AREG: variants seen among roughly 807,000 people sequenced by gnomAD.
AREG encodes amphiregulin B.
A neutral mutation model predicts 28.0 loss-of-function variants in AREG; 16 were observed. The observed-to-expected ratio is 0.57, with a 90% CI of 0.39 to 0.87. The LOEUF (loss-of-function observed/expected upper bound fraction) is 0.87. Ranked by LOEUF, AREG falls within the 40% of genes least tolerant of loss-of-function variation. AREG has a pLI of 0.00. For synonymous variants in AREG, 113 were observed against 113.5 expected, an observed-to-expected ratio of 1.00 and a Z score of 0.02; for missense variants, 287 against 309.1, an observed-to-expected ratio of 0.93 and a Z score of 0.53.
At chr4:74,454,193 A>C (rs2110413714) in intron 5 of AREG, among the ~76,000 whole-genome samples, 1 of 152,306 alleles carries the variant, frequency 6.6e-6, no homozygotes, top group South Asian at 2.1e-4. Context: ...TGTATTGGCT[A>C]ATTTTGGTAA....
chr4:74,451,366 G>A lies in AREG; in HGVS notation c.665+834G>A, dbSNP rs965087002. Among the ~76,000 whole-genome samples the A allele has an allele frequency of 8.5e-5, 13 of 152,294 alleles. No homozygotes were observed. In the East Asian group the frequency reaches 2.5e-3, roughly 29 times the overall value. ...CTGTGATGACTCATGTGCTACTAGA[G>A]CTTGGGAAAAGCAAGGGACTCATTC... On this transcript the variant is annotated intron_variant, in intron 4 of 5. Transcript: ENST00000395748.
At chr4:74,454,435 G>T (rs1030095539) in intron 5 of AREG, among the ~76,000 whole-genome samples, 1 of 152,138 alleles carries the variant, frequency 6.6e-6, no homozygotes, top group Non-Finnish European at 1.5e-5. Context: ...TATGTCCACT[G>T]CATAGATTTG....
intron 3 of AREG, among the ~76,000 whole-genome samples, chr4:74,449,911 TC>T (rs1719353931): frequency 2.8e-5 from 4 of 142,226 alleles, no homozygotes; most frequent in Non-Finnish European, 6.2e-5. Flanking sequence ...GCTTGCTCTC[TC>T]TCTCTCTCTC....
chr4:74,454,010 A>G (rs962080637), intron 5 of AREG, among the ~76,000 whole-genome samples: 2 of 151,780 alleles, frequency 1.3e-5, no homozygotes, highest in East Asian at 1.9e-4. Context: ...TCAGAATTCT[A>G]TTTTTAATGT....
rs989570832 is a variant in AREG at position 74,454,808 on chromosome 4, G to A, written c.*68G>A. ...AGTCATAGCCATAAATGATGAGTCGGTCCTCTTTCCAGTGGATCATAAGAC... is the reference window on the plus strand; with the variant it reads ...AGTCATAGCCATAAATGATGAGTCGATCCTCTTTCCAGTGGATCATAAGAC... On this transcript the variant is annotated 3_prime_UTR_variant, in exon 6 of 6. Coordinates refer to ENST00000395748, the MANE Select transcript of AREG (RefSeq NM_001657.4). 3 of 700,000 alleles carry A rather than the reference G, an allele frequency of 4.3e-6. No individual in the cohort carries two copies. The African/African-American group carries it at 5.2e-5, about 12-fold the overall frequency. 43.4% of individuals were successfully genotyped at this position (700,000 alleles called of 1,614,324 possible).
rs1719298493 is a variant in AREG, at chr4:74,446,793, GA to G, written c.310+12del. 6.2e-7 allele frequency: 1 copy of G among 1,613,796 alleles called. No homozygotes were observed. Among genetic ancestry groups the G allele is most frequent in the Non-Finnish European group, 8.5e-7 (1 of 1,179,850 alleles). ...ATGATTCAGTCAGAGGTGAGTAGGG[GA>G]TAAAGCAAAAATATGGCCTGTGAGA... On this transcript the variant is annotated intron_variant, in intron 2 of 5. Transcript: ENST00000395748.
In AREG at chr4:74,445,247, C is replaced by G; in HGVS notation, c.-99C>G. The G allele has an allele frequency of 1.9e-6, 3 of 1,549,318 alleles. No individual in the cohort carries two copies. The highest frequency in any genetic ancestry group is 2.6e-6 in the Non-Finnish European group (3 of 1,146,924). On this transcript the variant is annotated 5_prime_UTR_variant, in exon 1 of 6. Transcript: ENST00000395748. ...TTCGAGAGCGGCGCACACTCCCGGT[C>G]TCCACTCGCTCTTCCAACACCCGCT...
intron 5 of AREG, among the ~76,000 whole-genome samples, chr4:74,453,879 C>A (rs1042266934): frequency 2.7e-5 from 4 of 150,392 alleles, no homozygotes; most frequent in Admixed American, 6.6e-5. Flanking sequence ...AAGATCGCGC[C>A]ATTGCACTCC....
chr4:74,453,236 A>G (rs1719408495), intron 5 of AREG, among the ~76,000 whole-genome samples: 3 of 152,222 alleles, frequency 2.0e-5, no homozygotes, highest in Admixed American at 2.0e-4. Flanking sequence ...CACATGGTGG[A>G]GAGCCACAGT....
At chr4:74,454,031 T>A (rs1487425514) in intron 5 of AREG, among the ~76,000 whole-genome samples, 3 of 152,160 alleles carry the variant, frequency 2.0e-5, no homozygotes, top group African/African-American at 4.8e-5. Flanking sequence ...ACACTCCAGA[T>A]GGTTCTGATA....
Position 74,445,313 on chromosome 4 carries a change from C to T in AREG, c.-33C>T, listed in dbSNP as rs1448558168. Reference sequence around the variant, plus strand: ...TCGTGTCCCAGAGACCGAGTTGCCCCAGAGACCGAGACGCCGCCGCTGCGA... The same window carrying T: ...TCGTGTCCCAGAGACCGAGTTGCCCTAGAGACCGAGACGCCGCCGCTGCGA... On this transcript the variant is annotated 5_prime_UTR_variant, in exon 1 of 6. Transcript: ENST00000395748. The T allele has an allele frequency of 1.9e-6, 3 of 1,603,756 alleles. No homozygotes were observed. The highest frequency in any genetic ancestry group is 2.2e-5 in the East Asian group (1 of 44,518).
At chr4:74,453,389 A>G (rs1719411392) in intron 5 of AREG, among the ~76,000 whole-genome samples, 3 of 152,306 alleles carry the variant, frequency 2.0e-5, no homozygotes, top group South Asian at 4.1e-4. Context: ...TTGTAAAGAG[A>G]GAGAACTGAG....
At chr4:74,447,126 CTGTT>C (rs1360375550) in intron 2 of AREG, among the ~76,000 whole-genome samples, 1 of 152,196 alleles carries the variant, frequency 6.6e-6, no homozygotes, top group South Asian at 2.1e-4. Flanking sequence ...GAGCTCCAGT[CTGTT>C]TGATTCTATG....
At chr4:74,446,262 C>A (rs1404530942) in intron 1 of AREG, among the ~76,000 whole-genome samples, 2 of 152,084 alleles carry the variant, frequency 1.3e-5, no homozygotes, top group East Asian at 3.9e-4. Context: ...ATTAATTTGC[C>A]AATTTGGCGG....
At chr4:74,454,379 A>G (rs1719426555) in intron 5 of AREG, among the ~76,000 whole-genome samples, 1 of 152,234 alleles carries the variant, frequency 6.6e-6, no homozygotes, top group Non-Finnish European at 1.5e-5. Flanking sequence ...TCCTAAATTA[A>G]CTATATATCA....
At chr4:74,447,542 A>G (rs1719313706) in intron 2 of AREG, among the ~76,000 whole-genome samples, 1 of 152,170 alleles carries the variant, frequency 6.6e-6, no homozygotes, top group East Asian at 1.9e-4. Flanking sequence ...GCTTGGAGTG[A>G]AAGTACCAAA....
chr4:74,452,384 T>A (rs1719394254), intron 4 of AREG, among the ~76,000 whole-genome samples, 160 bp from the exon 5 acceptor site: 1 of 152,284 alleles, frequency 6.6e-6, no homozygotes, highest in African/African-American at 2.4e-5. Context: ...CCCTTAGAAA[T>A]TGGTAATATT....
chr4:74,448,904 C>G, intron 2 of AREG, 143 bp from the exon 3 acceptor site: 1 of 1,210,482 alleles, frequency 8.3e-7, no homozygotes, highest in Non-Finnish European at 1.1e-6. Flanking sequence ...GCAGTCCTCT[C>G]TAACTTTTAT....
chr4:74,452,117 A>G (rs1314207968), intron 4 of AREG, among the ~76,000 whole-genome samples: 5 of 152,180 alleles, frequency 3.3e-5, no homozygotes, highest in African/African-American at 4.8e-5. Context: ...TATATTTTAT[A>G]CCTAGAAATA....
Sources: gnomAD v4.1 joint callset for allele counts (sites outside exome capture counted in the v4.1 genomes callset) on GRCh38, gnomAD v4.1.1 for gene constraint, MANE v1.5 for transcripts, NCBI Gene and HGNC (gene_info 2026-07-23, HGNC 2026-07-21) for gene names.